Variants in GMPS observed in about 807,000 individuals in gnomAD.
GMPS encodes the protein GMP synthase [glutamine-hydrolyzing].
In GMPS, 15 loss-of-function variants were observed where a neutral mutation model predicts 77.9. The ratio of observed to expected loss-of-function variants is 0.19; its 90% confidence interval spans 0.13 to 0.30. The LOEUF is 0.30. Among genes scored for constraint, GMPS ranks in the 10% least tolerant of loss-of-function variants. The pLI, the probability that GMPS is intolerant of heterozygous loss-of-function variation, is 1.00. For missense variants in GMPS, 590 were observed against 838.8 expected (o/e 0.70, Z 3.66); for synonymous variants, 224 against 275.9 (o/e 0.81, Z 1.86).
At chr3:155,892,804 G>A (rs149417393) in intron 1 of GMPS, among the ~76,000 whole-genome samples, 1 of 152,164 alleles carries the variant, frequency 6.6e-6, no homozygotes, top group African/African-American at 2.4e-5. Context: ...CTAATTTTTT[G>A]TATTTTTAGT....
intron 1 of GMPS, among the ~76,000 whole-genome samples, chr3:155,873,166 A>G (rs1268162020): frequency 6.6e-6 from 1 of 152,202 alleles, no homozygotes; most frequent in African/African-American, 2.4e-5. Flanking sequence ...GGTACATTTC[A>G]GTTATCAGGA....
chr3:155,930,022 A>G (rs936515010), intron 12 of GMPS, among the ~76,000 whole-genome samples: 5 of 149,944 alleles, frequency 3.3e-5, no homozygotes, highest in African/African-American at 9.8e-5. Flanking sequence ...TAAAGTTCAT[A>G]TGGAACCAAA....
chr3:155,897,984 T>G lies in GMPS; in HGVS notation c.267T>G (p.Phe89Leu). 1 of 1,611,740 alleles carries G rather than the reference T, an allele frequency of 6.2e-7. No homozygotes were observed. The highest frequency in any genetic ancestry group is 1.3e-5 in the African/African-American group (1 of 75,018). ...TGTATGCTGAAGATGCTCCCTGGTT[T>G]GATCCAGCAATATTCACTATTGGCA... ...NSVYAEDAPW[F>L]DPAIFTIGKP... The change falls in exon 3 of 16, where the codon TTT (phenylalanine) becomes TTG (leucine). Residue 89 changes from phenylalanine to leucine, a missense_variant. Phe to Leu is a conservative substitution (Grantham distance 22). Coordinates refer to ENST00000496455, the MANE Select transcript of GMPS (RefSeq NM_003875.3).
chr3:155,934,866 TC>T, intron 13 of GMPS, 49 bp from the exon 14 acceptor site: 1 of 1,203,656 alleles, frequency 8.3e-7, no homozygotes, highest in Non-Finnish European at 1.2e-6. Flanking sequence ...AAATGTAATT[TC>T]TACATTTGAA....
chr3:155,897,730 C>T (rs191581299), intron 2 of GMPS, among the ~76,000 whole-genome samples, 197 bp from the exon 3 acceptor site: 31 of 152,282 alleles, frequency 2.0e-4, no homozygotes, highest in Admixed American at 1.8e-3. Flanking sequence ...CTAAACATTG[C>T]AGTAAAGTAC....
At chr3:155,878,937 C>T (rs1250565274) in intron 1 of GMPS, among the ~76,000 whole-genome samples, 2 of 152,096 alleles carry the variant, frequency 1.3e-5, no homozygotes, top group Non-Finnish European at 2.9e-5. Flanking sequence ...GCTGCTGGTG[C>T]AAGTCCTGGA....
At chr3:155,880,479 G>A (rs926868673) in intron 1 of GMPS, among the ~76,000 whole-genome samples, 1 of 152,086 alleles carries the variant, frequency 6.6e-6, no homozygotes, top group Admixed American at 6.6e-5. Flanking sequence ...TCACTAATAG[G>A]TGTTTTGTTT....
upstream of GMPS, among the ~76,000 whole-genome samples, chr3:155,870,216 G>T (rs1753864736): frequency 6.6e-6 from 1 of 152,264 alleles, no homozygotes; most frequent in African/African-American, 2.4e-5. Context: ...CCTGAGATAA[G>T]GCCACGCCAC....
chr3:155,883,758 G>C (rs1754265722), intron 1 of GMPS, among the ~76,000 whole-genome samples: 1 of 152,130 alleles, frequency 6.6e-6, no homozygotes, highest in Admixed American at 6.5e-5. Flanking sequence ...AATGCAGAGT[G>C]AGTCAAGACA....
chr3:155,893,581 C>T lies in GMPS; in HGVS notation c.91C>T (p.Leu31=). The change falls in exon 2 of 16, where the codon CTG becomes TTG. Residue 31 remains leucine (L), a synonymous_variant. Transcript: ENST00000496455. ...HHHYEGAVVI[L]DAGAQYGKVI... is the part of the protein sequence containing the mutation. Reference sequence around the variant, plus strand: ...CCACTATGAAGGAGCTGTTGTCATTCTGGATGCTGGTGCTCAGTACGGGAA... The same window carrying T: ...CCACTATGAAGGAGCTGTTGTCATTTTGGATGCTGGTGCTCAGTACGGGAA... 5 of 1,612,398 alleles carry T rather than the reference C, an allele frequency of 3.1e-6. No individual in the cohort carries two copies. The highest frequency in any genetic ancestry group is 4.2e-6 in the Non-Finnish European group (5 of 1,178,532).
chr3:155,910,168 C>T (rs773970561), intron 5 of GMPS, among the ~76,000 whole-genome samples: 18 of 151,964 alleles, frequency 1.2e-4, no homozygotes, highest in Non-Finnish European at 2.4e-4. Context: ...ATAGTTTGGA[C>T]ATGGAAGGCA....
chr3:155,925,174 G>T, intron 11 of GMPS, 67 bp from the exon 12 acceptor site: 1 of 1,374,486 alleles, frequency 7.3e-7, no homozygotes, highest in Non-Finnish European at 1.0e-6. Flanking sequence ...TAAGATAGTA[G>T]TAGATAATAA....
At chr3:155,927,044 T>A in intron 12 of GMPS, among the ~76,000 whole-genome samples, 1 of 152,284 alleles carries the variant, frequency 6.6e-6, no homozygotes. Flanking sequence ...TTGTTATTTT[T>A]AAAGTAAACT....
At chr3:155,908,758 C>A (rs1754958576) in intron 5 of GMPS, among the ~76,000 whole-genome samples, 1 of 152,056 alleles carries the variant, frequency 6.6e-6, no homozygotes, top group South Asian at 2.1e-4. Flanking sequence ...TTTGAGTTTG[C>A]ATATTAAATT....
At chr3:155,916,375 TTG>T (rs1312980257) in intron 9 of GMPS, among the ~76,000 whole-genome samples, 183 bp downstream of exon 9, 1 of 152,248 alleles carries the variant, frequency 6.6e-6, no homozygotes, top group East Asian at 1.9e-4. Context: ...CTACCTGTTG[TTG>T]TCATTGTCAT....
At chr3:155,885,627 ATTT>A (rs1754317859) in intron 1 of GMPS, among the ~76,000 whole-genome samples, 1 of 152,338 alleles carries the variant, frequency 6.6e-6, no homozygotes, top group African/African-American at 2.4e-5. Context: ...TATACCTAGA[ATTT>A]TTTATCAGAA....
chr3:155,891,260 G>GT (rs1754454634), intron 1 of GMPS, among the ~76,000 whole-genome samples: 1 of 152,176 alleles, frequency 6.6e-6, no homozygotes, highest in Non-Finnish European at 1.5e-5. Flanking sequence ...TGCCTGTAAT[G>GT]TAAAAAAGCA....
At chr3:155,923,302 A>G (rs951664814) in intron 11 of GMPS, among the ~76,000 whole-genome samples, 3 of 152,194 alleles carry the variant, frequency 2.0e-5, no homozygotes, top group African/African-American at 4.8e-5. Flanking sequence ...ACAAATCATC[A>G]TAAAGAAAAT....
intron 12 of GMPS, among the ~76,000 whole-genome samples, chr3:155,928,142 G>T (rs1755503661): frequency 7.1e-6 from 1 of 141,742 alleles, no homozygotes; most frequent in Non-Finnish European, 1.5e-5. Flanking sequence ...TTCTCCTGTT[G>T]CAGCCTCCTG....
Sources: gnomAD v4.1 joint callset for allele counts (sites outside exome capture counted in the v4.1 genomes callset) on GRCh38, gnomAD v4.1.1 for gene constraint, MANE v1.5 for transcripts, NCBI Gene and HGNC (gene_info 2026-07-23, HGNC 2026-07-21) for gene names.